GRID2: variants seen among roughly 807,000 people sequenced by gnomAD.
GRID2 encodes glutamate ionotropic receptor delta type subunit 2.
A neutral mutation model predicts 114.8 loss-of-function variants in GRID2; 33 were observed. The ratio of observed to expected loss-of-function variants is 0.29; its 90% CI spans 0.22 to 0.38. The LOEUF is 0.38. Ranked by LOEUF, GRID2 falls within the 10% of genes least tolerant of loss-of-function variation. The probability of loss-of-function intolerance (pLI) is 1.00; values close to 1 mark genes in which losing one functional copy is unlikely to be tolerated. For synonymous variants in GRID2, 505 were observed against 449.9 expected, an observed-to-expected ratio of 1.12 and a Z score of -1.55; for missense variants, 1,184 against 1,257.7, an observed-to-expected ratio of 0.94 and a Z score of 0.89.
At chr4:93,433,680 C>T (rs1365131010) in intron 10 of GRID2, among the ~76,000 whole-genome samples, 1 of 152,188 alleles carries the variant, frequency 6.6e-6, no homozygotes, top group Non-Finnish European at 1.5e-5. Context: ...TGTAGCTAGT[C>T]ATGACACTTG....
In GRID2 at chr4:92,944,677, T is replaced by C. The variant is rs140938907; in HGVS notation, c.245-140318T>C. The stretch of plus-strand genomic sequence containing the variant: ...CACTGGGAGCTGTAGACTGGAGCTG[T>C]TCCTATTTGGCCATCTTCAATATTT... On this transcript the variant is annotated intron_variant, in intron 2 of 15. Transcript: ENST00000282020. Among the ~76,000 whole-genome samples the C allele has an allele frequency of 5.1e-3, 782 of 152,338 alleles. 7 individuals carry two copies. The highest frequency in any genetic ancestry group is 0.018 in the African/African-American group (747 of 41,588).
intron 1 of GRID2, among the ~76,000 whole-genome samples, chr4:92,486,575 ACAC>A (rs1441380972): frequency 6.6e-6 from 1 of 151,406 alleles, no homozygotes; most frequent in African/African-American, 2.4e-5. Context: ...ACACACACAC[ACAC>A]ACACACACAC....
chr4:92,891,482 G>A (rs1229271587), intron 2 of GRID2, among the ~76,000 whole-genome samples: 1 of 152,158 alleles, frequency 6.6e-6, no homozygotes, highest in African/African-American at 2.4e-5. Flanking sequence ...TAAATAAGAA[G>A]TGTGAAGTGT....
chr4:92,841,199 T>G (rs1040250881), intron 2 of GRID2, among the ~76,000 whole-genome samples: 1 of 152,100 alleles, frequency 6.6e-6, no homozygotes, highest in Non-Finnish European at 1.5e-5. Flanking sequence ...CCACAGGAAC[T>G]GTCAGGTAAA....
chr4:93,333,614 T>G (rs992548721), intron 8 of GRID2, among the ~76,000 whole-genome samples: 1 of 152,172 alleles, frequency 6.6e-6, no homozygotes, highest in Non-Finnish European at 1.5e-5. Flanking sequence ...AAATATCCAC[T>G]GGGATGAGCA....
chr4:92,881,276 C>T (rs898223185), intron 2 of GRID2, among the ~76,000 whole-genome samples: 1 of 152,182 alleles, frequency 6.6e-6, no homozygotes, highest in East Asian at 1.9e-4. Context: ...GAGCTCGCCA[C>T]CTGAGTTACT....
At chr4:93,508,704 A>C (rs1728886712) in intron 12 of GRID2, among the ~76,000 whole-genome samples, 1 of 152,218 alleles carries the variant, frequency 6.6e-6, no homozygotes, top group African/African-American at 2.4e-5. Context: ...ACCCTGGGCT[A>C]GATCTGGATT....
At chr4:93,182,989 A>C (rs1740040086) in intron 4 of GRID2, among the ~76,000 whole-genome samples, 1 of 152,192 alleles carries the variant, frequency 6.6e-6, no homozygotes, top group African/African-American at 2.4e-5. Flanking sequence ...ATGCAGTATA[A>C]AGTTTGAGAA....
intron 14 of GRID2, among the ~76,000 whole-genome samples, chr4:93,723,530 C>G (rs374431742): frequency 6.6e-6 from 1 of 152,166 alleles, no homozygotes; most frequent in Non-Finnish European, 1.5e-5. Context: ...ATACTTGCAC[C>G]AGGTGCAGCT....
chr4:92,673,738 T>A (rs1733188980), intron 2 of GRID2, among the ~76,000 whole-genome samples: 1 of 152,156 alleles, frequency 6.6e-6, no homozygotes, highest in Admixed American at 6.5e-5. Context: ...GACAGTTGAC[T>A]TTTCTGTCCT....
intron 2 of GRID2, among the ~76,000 whole-genome samples, chr4:92,877,211 A>G (rs1158519958): frequency 6.6e-6 from 1 of 152,206 alleles, no homozygotes. Context: ...TTGTTGAATC[A>G]AGGCAGAGTC....
intron 10 of GRID2, among the ~76,000 whole-genome samples, chr4:93,430,879 G>C (rs1357441638): frequency 6.6e-6 from 1 of 152,176 alleles, no homozygotes; most frequent in Non-Finnish European, 1.5e-5. Flanking sequence ...GAAAGTGAAG[G>C]ACGTCTACTG....
At chr4:92,507,892 A>G (rs920756121) in intron 1 of GRID2, among the ~76,000 whole-genome samples, 5 of 151,900 alleles carry the variant, frequency 3.3e-5, no homozygotes, top group Admixed American at 1.3e-4. Flanking sequence ...CATATGGTCC[A>G]TGCTTTGGGC....
intron 2 of GRID2, among the ~76,000 whole-genome samples, chr4:92,746,568 C>T (rs1737158280): frequency 6.6e-6 from 1 of 152,024 alleles, no homozygotes; most frequent in Non-Finnish European, 1.5e-5. Context: ...CTCTGGAATG[C>T]TAAATTAGTG....
chr4:93,172,600 GA>G (rs201819089), intron 4 of GRID2, among the ~76,000 whole-genome samples: 6 of 143,016 alleles, frequency 4.2e-5, no homozygotes, highest in Middle Eastern at 3.5e-3. Context: ...TCAAAAAAAA[GA>G]AAAAAAAAAG....
At chr4:92,654,715 G>A (rs1354747057) in intron 2 of GRID2, among the ~76,000 whole-genome samples, 2 of 151,290 alleles carry the variant, frequency 1.3e-5, no homozygotes, top group Non-Finnish European at 2.9e-5. Flanking sequence ...GTCTTCTATT[G>A]CTATTTGTGT....
intron 2 of GRID2, among the ~76,000 whole-genome samples, chr4:92,650,167 T>C (rs1430139885): frequency 6.6e-6 from 1 of 152,014 alleles, no homozygotes; most frequent in Non-Finnish European, 1.5e-5. Flanking sequence ...ACCAACATAT[T>C]TATAACAAAA....
intron 2 of GRID2, among the ~76,000 whole-genome samples, chr4:93,076,807 G>C (rs529823595): frequency 3.4e-4 from 52 of 151,566 alleles, no homozygotes; most frequent in African/African-American, 4.1e-4. Flanking sequence ...TAGTAGAGAC[G>C]GGGTATCACC....
chr4:92,703,338 A>T (rs1472162584), intron 2 of GRID2, among the ~76,000 whole-genome samples: 1 of 152,194 alleles, frequency 6.6e-6, no homozygotes, highest in Non-Finnish European at 1.5e-5. Context: ...AATTGGAAAG[A>T]GTTCAAAGGG....
Sources: allele counts gnomAD v4.1 joint callset (sites outside exome capture counted in the v4.1 genomes callset), GRCh38; gene constraint gnomAD v4.1.1; transcripts MANE v1.5; gene names NCBI Gene and HGNC (gene_info 2026-07-23, HGNC 2026-07-21).